ADAMTS16: variants seen among roughly 807,000 people sequenced by gnomAD.
ADAMTS16 encodes the protein A disintegrin and metalloproteinase with thrombospondin motifs 16.
Under a neutral mutation model 145.8 loss-of-function variants are expected in ADAMTS16, and 94 were observed. The ratio of observed to expected loss-of-function variants is 0.64; its 90% CI spans 0.55 to 0.77. The LOEUF (loss-of-function observed/expected upper bound fraction) is 0.77. Among genes scored for constraint, ADAMTS16 ranks in the 30% least tolerant of loss-of-function variants. The probability of loss-of-function intolerance (pLI) is 0.00; values close to 1 mark genes in which losing one functional copy is unlikely to be tolerated. For missense variants in ADAMTS16, 1,585 were observed against 1,591.5 expected (o/e 1.00, Z 0.07); for synonymous variants, 659 against 604.3 (o/e 1.09, Z -1.33).
Position 5,207,549 on chromosome 5 carries a change from C to G in ADAMTS16, c.1452-1544C>G, listed in dbSNP as rs141964900. Among the ~76,000 whole-genome samples, 318 of 152,172 alleles carry G rather than the reference C, an allele frequency of 2.1e-3. 1 individual carries two copies. The highest frequency in any genetic ancestry group is 6.8e-3 in the Middle Eastern group (2 of 294). The stretch of plus-strand genomic sequence containing the variant: ...TATGTAATATTCTTGCTTTATTGCA[C>G]TAGGTAGCACTTCCAATACAATGTT... On this transcript the variant is annotated intron_variant, in intron 9 of 22. Coordinates refer to ENST00000274181, the MANE Select transcript of ADAMTS16 (RefSeq NM_139056.4).
rs760992831 is a variant in ADAMTS16 at position 5,306,574 on chromosome 5, A to G, written c.3257A>G (p.Lys1086Arg). 1 of 1,614,248 alleles carries G rather than the reference A, an allele frequency of 6.2e-7. No individual in the cohort carries two copies. Among genetic ancestry groups the G allele is most frequent in the Non-Finnish European group, 8.5e-7 (1 of 1,180,056 alleles). ...LKCAEKYVSG[K>R]YRELASKKCS... ...TGTGCTGAAAAGTATGTTTCTGGAA[A>G]GTATCGAGAGCTGGCCTCAAAGAAG... is the stretch of plus-strand genomic sequence containing the variant. Residue 1086 changes from lysine to arginine, a missense_variant, in exon 21 of 23, where the codon AAG (lysine) becomes AGG (arginine). Lys to Arg is a conservative substitution (Grantham distance 26, BLOSUM62 2). Coordinates refer to ENST00000274181, the MANE Select transcript of ADAMTS16 (RefSeq NM_139056.4).
At chr5:5,200,023 T>C in intron 8 of ADAMTS16, 109 bp from the exon 9 acceptor site, 5 of 1,307,832 alleles carry the variant, frequency 3.8e-6, no homozygotes, top group Non-Finnish European at 1.0e-6. Flanking sequence ...GCCTAGCATA[T>C]AGGGGTGAGG....
chr5:5,164,578 C>T (rs1320291312), intron 3 of ADAMTS16, among the ~76,000 whole-genome samples: 3 of 152,226 alleles, frequency 2.0e-5, no homozygotes, highest in Admixed American at 1.3e-4. Context: ...GGAAGCACCA[C>T]GGTGTGGAGG....
chr5:5,210,558 A>G (rs1736248350), intron 10 of ADAMTS16, among the ~76,000 whole-genome samples: 2 of 151,954 alleles, frequency 1.3e-5, no homozygotes, highest in South Asian at 4.2e-4. Flanking sequence ...CCCCTCCCTG[A>G]CTCCAGTAAC....
rs1289750693 is a variant in ADAMTS16 at position 5,182,068 on chromosome 5, G to A, written c.526G>A (p.Ala176Thr). 3 of 1,612,406 alleles carry A rather than the reference G, an allele frequency of 1.9e-6. No individual in the cohort carries two copies. Among genetic ancestry groups the A allele is most frequent in the South Asian group, 2.2e-5 (2 of 90,932 alleles). ...GTCAGGCATGATACGAACAGAAGAG[G>A]CAGATTACTTCCTAAGGCCACTTCC... ...GLSGMIRTEE[A>T]DYFLRPLPSH... The change falls in exon 4 of 23, where the codon GCA becomes ACA. Residue 176 changes from alanine to threonine, a missense_variant. By Grantham distance (58) the Ala-to-Thr change is moderately conservative. This residue lies in a region of ADAMTS16 where 453 missense variants were observed against 412.1 expected (regional missense o/e 1.10). Transcript: ENST00000274181.
intron 8 of ADAMTS16, 35 bp downstream of exon 8, chr5:5,191,825 GT>G (rs763302509): frequency 6.6e-7 from 1 of 1,511,352 alleles, no homozygotes; most frequent in East Asian, 2.3e-5. Context: ...GGCATCCCGA[GT>G]TTTTTCCTTA....
At chr5:5,270,210 T>A (rs1738411334) in intron 18 of ADAMTS16, among the ~76,000 whole-genome samples, 1 of 152,204 alleles carries the variant, frequency 6.6e-6, no homozygotes, top group African/African-American at 2.4e-5. Flanking sequence ...TGGAGCTTAG[T>A]AAATTTCTGT....
At chr5:5,318,369 G>C (rs887876177) in intron 22 of ADAMTS16, 88 bp downstream of exon 22, 52 of 1,252,404 alleles carry the variant, frequency 4.2e-5, no homozygotes, top group Non-Finnish European at 5.0e-5. Context: ...CCTGGAGTTA[G>C]GGTCTTGCGT....
intron 3 of ADAMTS16, among the ~76,000 whole-genome samples, chr5:5,176,721 T>A (rs1204665542): frequency 6.6e-6 from 1 of 152,186 alleles, no homozygotes; most frequent in Non-Finnish European, 1.5e-5. Context: ...CATAGCGCAT[T>A]CTTAAATTAT....
At chr5:5,149,074 T>G (rs904125011) in intron 3 of ADAMTS16, among the ~76,000 whole-genome samples, 4 of 152,214 alleles carry the variant, frequency 2.6e-5, no homozygotes, top group African/African-American at 9.7e-5. Flanking sequence ...TCACAGATCT[T>G]GTAACACTAC....
intron 18 of ADAMTS16, among the ~76,000 whole-genome samples, chr5:5,267,986 C>G (rs1031717105): frequency 6.6e-6 from 1 of 152,120 alleles, no homozygotes; most frequent in African/African-American, 2.4e-5. Flanking sequence ...AACCATGGTC[C>G]CATTAGGCCA....
intron 9 of ADAMTS16, among the ~76,000 whole-genome samples, chr5:5,205,644 G>A (rs781046158): frequency 2.0e-5 from 3 of 152,258 alleles, no homozygotes; most frequent in Non-Finnish European, 4.4e-5. Flanking sequence ...TAAGAGGTGT[G>A]TAGTGGTGTC....
intron 17 of ADAMTS16, among the ~76,000 whole-genome samples, chr5:5,255,916 T>G (rs1335801501): frequency 6.6e-6 from 1 of 152,226 alleles, no homozygotes; most frequent in African/African-American, 2.4e-5. Context: ...ACTCATATAT[T>G]GACATAAGTA....
intron 3 of ADAMTS16, among the ~76,000 whole-genome samples, chr5:5,161,500 T>C (rs1734743458): frequency 6.6e-6 from 1 of 152,212 alleles, no homozygotes; most frequent in African/African-American, 2.4e-5. Context: ...ATAAGTATAA[T>C]GGACAGTTAA....
At chr5:5,288,594 A>G (rs1739186336) in intron 18 of ADAMTS16, among the ~76,000 whole-genome samples, 1 of 152,222 alleles carries the variant, frequency 6.6e-6, no homozygotes, top group Admixed American at 6.5e-5. Flanking sequence ...TACCAGGAGT[A>G]ATGAATTCTT....
chr5:5,285,918 T>C (rs909379115), intron 18 of ADAMTS16, among the ~76,000 whole-genome samples: 2 of 152,208 alleles, frequency 1.3e-5, no homozygotes, highest in Non-Finnish European at 2.9e-5. Flanking sequence ...TAATTGAATT[T>C]CCCCAGTGCT....
At chr5:5,306,166 CATGTACTT>C (rs1579408703) in intron 20 of ADAMTS16, among the ~76,000 whole-genome samples, 1 of 152,334 alleles carries the variant, frequency 6.6e-6, no homozygotes, top group East Asian at 1.9e-4. Flanking sequence ...GTAGTTACCA[CATGTACTT>C]ATGTATTAAG....
At chr5:5,149,184 T>G (rs1007360650) in intron 3 of ADAMTS16, among the ~76,000 whole-genome samples, 3 of 152,238 alleles carry the variant, frequency 2.0e-5, no homozygotes, top group Non-Finnish European at 4.4e-5. Context: ...TTTACCCTGG[T>G]ATTGCCACCA....
At chr5:5,268,593 C>A (rs2126446006) in intron 18 of ADAMTS16, among the ~76,000 whole-genome samples, 1 of 152,284 alleles carries the variant, frequency 6.6e-6, no homozygotes, top group East Asian at 1.9e-4. Flanking sequence ...CAGAGGTATC[C>A]CTCAAGGTCC....
Sources: gnomAD v4.1 joint callset for allele counts (sites outside exome capture counted in the v4.1 genomes callset) on GRCh38, gnomAD v4.1.1 for gene constraint, gnomAD v4.1.1 regional missense constraint, MANE v1.5 for transcripts, NCBI Gene and HGNC (gene_info 2026-07-23, HGNC 2026-07-21) for gene names.